Variants in FECH observed in about 807,000 individuals in gnomAD.
FECH encodes ferrochelatase, also known as ferrochelatase, mitochondrial.
FECH carries 40 observed loss-of-function variants against 56.9 expected under a neutral mutation model. That is an observed-to-expected ratio of 0.70 (90% CI 0.55 to 0.92). The LOEUF (loss-of-function observed/expected upper bound fraction) is 0.92, where lower values mean the gene tolerates loss of function less well. FECH is among the 40% of genes least tolerant of loss of function. FECH has a pLI of 0.00. For synonymous variants in FECH, 175 were observed against 198.6 expected (o/e 0.88, Z 1.00); for missense variants, 431 against 529.1 (o/e 0.81, Z 1.82).
chr18:57,585,672 G>A (rs1021980467), intron 1 of FECH, among the ~76,000 whole-genome samples: 2 of 152,288 alleles, frequency 1.3e-5, no homozygotes, highest in African/African-American at 2.4e-5. Context: ...ACTGACGAAC[G>A]TCTTAGAAAA....
intron 7 of FECH, among the ~76,000 whole-genome samples, chr18:57,558,651 G>A (rs1034304290): frequency 3.9e-5 from 6 of 152,182 alleles, no homozygotes; most frequent in Non-Finnish European, 5.9e-5. Flanking sequence ...TGGGTGTGGT[G>A]GCTCACACCT....
In FECH at chr18:57,559,142, TA is replaced by T. The variant is rs1222843807; in HGVS notation, c.804+2del. The T allele has an allele frequency of 1.3e-6, 2 of 1,593,344 alleles. No homozygotes were observed. The highest frequency in any genetic ancestry group is 1.7e-6 in the Non-Finnish European group (2 of 1,161,526). On this transcript the variant is annotated splice_donor_variant, in intron 7 of 10. Transcript: ENST00000262093. LOFTEE classifies it high-confidence loss of function. The stretch of plus-strand genomic sequence containing the variant: ...GGTCATCCCAGAAAATGTTCTTACT[TA>T]CAGACATGGGCAGTGAGTGAGCAGA...
chr18:57,546,263 T>C lies in FECH; in HGVS notation c.*4449A>G, dbSNP rs886053968. On this transcript the variant is annotated 3_prime_UTR_variant, in exon 11 of 11. Coordinates refer to ENST00000262093, the MANE Select transcript of FECH (RefSeq NM_000140.5). ...GCACCTGTGCCTTCACGTGCCCCCG[T>C]GCGCACACATAGACGTTCGCTTACA... Among the ~76,000 whole-genome samples, 7 of 152,214 alleles carry C rather than the reference T, an allele frequency of 4.6e-5. No individual in the cohort carries two copies. Among genetic ancestry groups the C allele is most frequent in the Admixed American group, 3.9e-4 (6 of 15,284 alleles).
chr18:57,578,819 T>C (rs1296690259), intron 2 of FECH, among the ~76,000 whole-genome samples: 1 of 149,732 alleles, frequency 6.7e-6, no homozygotes, highest in Non-Finnish European at 1.5e-5. Context: ...ATCAGCTGGG[T>C]GTGGTGGCAT....
At chr18:57,559,509 G>T (rs919246403) in intron 6 of FECH, among the ~76,000 whole-genome samples, 8 of 152,144 alleles carry the variant, frequency 5.3e-5, no homozygotes, top group African/African-American at 1.9e-4. Flanking sequence ...GCGCGCTGTG[G>T]ATCTGCTTCC....
chr18:57,549,117 A>C lies in FECH; in HGVS notation c.*1595T>G, dbSNP rs945008477. On this transcript the variant is annotated 3_prime_UTR_variant, in exon 11 of 11. Transcript: ENST00000262093. The stretch of plus-strand genomic sequence containing the variant: ...TCCTAAACAATCACCTATGCCTTGT[A>C]TCTTTCTCTAGAAACACAATCTACT... 6.6e-6 allele frequency: 1 copy of C among 152,220 alleles called. No individual in the cohort carries two copies. Among genetic ancestry groups the C allele is most frequent in the South Asian group, 2.1e-4 (1 of 4,836 alleles). 9.4% of individuals were successfully genotyped at this position (152,220 alleles called of 1,614,324 possible). A position where few individuals can be genotyped will look rare whatever the true frequency, so the allele number is the denominator to read the frequency against.
At chr18:57,552,232 T>C (rs1043213004) in intron 9 of FECH, among the ~76,000 whole-genome samples, 1 of 151,924 alleles carries the variant, frequency 6.6e-6, no homozygotes, top group Admixed American at 6.6e-5. Context: ...AATGGGAGGA[T>C]TGTTTCTGTA....
In FECH at chr18:57,581,646, T is replaced by C. The variant is rs146195245; in HGVS notation, c.68-1447A>G. On this transcript the variant is annotated intron_variant, in intron 1 of 10. Coordinates refer to ENST00000262093, the MANE Select transcript of FECH (RefSeq NM_000140.5). ...AGCAATGTGACCTGGGGCCAGGTCT[T>C]CCTGAGCCTGAGTTTCCCCACCTGT... 1.8e-3 allele frequency among the ~76,000 whole-genome samples: 277 copies of C among 152,342 alleles called. No individual in the cohort carries two copies. The Middle Eastern group carries it at 0.027, about 15-fold the overall frequency.
chr18:57,566,441 C>A lies in FECH; in HGVS notation c.598+6G>T, dbSNP rs1301000857. On this transcript the variant is annotated splice_donor_region_variant and intron_variant, in intron 5 of 10. Transcript: ENST00000262093. The stretch of plus-strand genomic sequence containing the variant: ...TACCTTTCCACTGTCAGAGAGATGC[C>A]CTTACCTGTGGTGGAGCAGCTGTAC... 1.2e-6 allele frequency: 2 copies of A among 1,614,118 alleles called. No individual in the cohort carries two copies. The highest frequency in any genetic ancestry group is 3.3e-5 in the Admixed American group (2 of 60,018).
Position 57,560,017 on chromosome 18 carries a change from C to T in FECH, c.706-774G>A, listed in dbSNP as rs569334727. 1.3e-3 allele frequency among the ~76,000 whole-genome samples: 196 copies of T among 152,278 alleles called. 1 individual carries two copies. Among genetic ancestry groups the T allele is most frequent in the Non-Finnish European group, 2.4e-3 (160 of 68,030 alleles). On this transcript the variant is annotated intron_variant, in intron 6 of 10. Coordinates refer to ENST00000262093, the MANE Select transcript of FECH (RefSeq NM_000140.5). ...TGAAGGGGCTTTCTTTCGTCTTATACTTTAATCATTCTCTGTCATTTAGCT... is the reference window on the plus strand; with the variant it reads ...TGAAGGGGCTTTCTTTCGTCTTATATTTTAATCATTCTCTGTCATTTAGCT...
chr18:57,548,540 A>G lies in FECH; in HGVS notation c.*2172T>C, dbSNP rs2050749887. 1 of 152,230 alleles carries G rather than the reference A, an allele frequency of 6.6e-6. No individual in the cohort carries two copies. The highest frequency in any genetic ancestry group is 6.5e-5 in the Admixed American group (1 of 15,276). The allele number at this position is 152,230 out of a possible 1,614,324, so 9.4% of individuals were successfully genotyped here. A position where few individuals can be genotyped will look rare whatever the true frequency, so the allele number is the denominator to read the frequency against. On this transcript the variant is annotated 3_prime_UTR_variant, in exon 11 of 11. Coordinates refer to ENST00000262093, the MANE Select transcript of FECH (RefSeq NM_000140.5). ...AACTGCCAGCAGTTCATTGCTAATT[A>G]CCAGGGCAAACATTTGTATTTCAAA... is the stretch of plus-strand genomic sequence containing the variant.
intron 3 of FECH, chr18:57,573,039 C>T (rs776605061): frequency 4.5e-5 from 27 of 601,564 alleles, no homozygotes; most frequent in Non-Finnish European, 7.9e-5. Flanking sequence ...GCAAAGGGCT[C>T]AAGGAGAATC....
At chr18:57,579,441 T>C (rs965453373) in intron 2 of FECH, among the ~76,000 whole-genome samples, 2 of 152,020 alleles carry the variant, frequency 1.3e-5, no homozygotes, top group African/African-American at 4.8e-5. Flanking sequence ...TTCTATGTAC[T>C]CATCTCGATA....
Position 57,586,674 on chromosome 18 carries a change from G to GT in FECH, c.-55dup. 6.8e-7 allele frequency: 1 copy of GT among 1,465,642 alleles called. No homozygotes were observed. The allele number at this position is 1,465,642 out of a possible 1,614,324, so 90.8% of individuals were successfully genotyped here. A position where few individuals can be genotyped will look rare whatever the true frequency, so the allele number is the denominator to read the frequency against. On this transcript the variant is annotated 5_prime_UTR_variant, in exon 1 of 11. Coordinates refer to ENST00000262093, the MANE Select transcript of FECH (RefSeq NM_000140.5). The stretch of plus-strand genomic sequence containing the variant: ...GCTCCTCCCGCGGCGGCGCGCCCAG[G>GT]TGTCCGCCCAGCAGTGGCCGAGCCG...
At chr18:57,582,610 A>G (rs1212424349) in intron 1 of FECH, among the ~76,000 whole-genome samples, 1 of 151,674 alleles carries the variant, frequency 6.6e-6, no homozygotes, top group Non-Finnish European at 1.5e-5. Flanking sequence ...CACAAAATTT[A>G]AGGAGTTAAA....
At chr18:57,559,858 C>T (rs1598988157) in intron 6 of FECH, among the ~76,000 whole-genome samples, 1 of 152,196 alleles carries the variant, frequency 6.6e-6, no homozygotes, top group Non-Finnish European at 1.5e-5. Flanking sequence ...GGGGCCCATT[C>T]AGTCACATCT....
chr18:57,586,590 C>T lies in FECH; in HGVS notation c.31G>A (p.Ala11Thr). The T allele has an allele frequency of 1.3e-6, 2 of 1,523,416 alleles. No homozygotes were observed. Among genetic ancestry groups the T allele is most frequent in the Non-Finnish European group, 8.8e-7 (1 of 1,142,374 alleles). The allele number at this position is 1,523,416 out of a possible 1,614,324, so 94.4% of individuals were successfully genotyped here. A position where few individuals can be genotyped will look rare whatever the true frequency, so the allele number is the denominator to read the frequency against. MRSLGANMAA[A>T]LRAAGVLLRD... is the part of the protein sequence containing the mutation. Reference sequence around the variant, plus strand: ...AGCAGGACGCCCGCGGCGCGCAGGGCCGCAGCCATGTTTGCGCCGAGTGAA... The same window carrying T: ...AGCAGGACGCCCGCGGCGCGCAGGGTCGCAGCCATGTTTGCGCCGAGTGAA... The change falls in exon 1 of 11, where the codon GCC becomes ACC. Residue 11 changes from alanine to threonine, a missense_variant. Physicochemically the swap from Ala to Thr is moderately conservative, Grantham distance 58. Coordinates refer to ENST00000262093, the MANE Select transcript of FECH (RefSeq NM_000140.5).
chr18:57,561,613 C>T (rs2050944593), intron 6 of FECH, among the ~76,000 whole-genome samples: 1 of 152,258 alleles, frequency 6.6e-6, no homozygotes. Context: ...ATTTTATGAA[C>T]AGAGACTTCC....
intron 8 of FECH, 96 bp downstream of exon 8, chr18:57,554,749 T>C: frequency 1.0e-6 from 1 of 997,830 alleles, no homozygotes; most frequent in Non-Finnish European, 1.6e-6. Flanking sequence ...TGGAAGAGCC[T>C]GACCATGTGT....
Sources: gnomAD v4.1 joint callset for allele counts (sites outside exome capture counted in the v4.1 genomes callset) on GRCh38, gnomAD v4.1.1 for gene constraint, MANE v1.5 for transcripts, NCBI Gene and HGNC (gene_info 2026-07-23, HGNC 2026-07-21) for gene names.